Variants in FHIT observed in about 807,000 individuals in gnomAD.
The protein encoded by FHIT is bis(5'-adenosyl)-triphosphatase.
Under a neutral mutation model 17.9 loss-of-function variants are expected in FHIT, and 19 were observed. The ratio of observed to expected loss-of-function variants is 1.06; its 90% confidence interval spans 0.74 to 1.56. The LOEUF (loss-of-function observed/expected upper bound fraction) is 1.56. Among genes scored for constraint, FHIT ranks in the 40% most tolerant of loss-of-function variants. The pLI, the probability that FHIT is intolerant of heterozygous loss-of-function variation, is 0.00. For synonymous variants in FHIT, 81 were observed against 69.7 expected, an observed-to-expected ratio of 1.16 and a Z score of -0.81; for missense variants, 248 against 189.2, an observed-to-expected ratio of 1.31 and a Z score of -1.82.
intron 1 of FHIT, among the ~76,000 whole-genome samples, chr3:61,237,834 G>A: frequency 6.6e-6 from 1 of 152,190 alleles, no homozygotes; most frequent in East Asian, 1.9e-4. Flanking sequence ...GCAAATGAGA[G>A]GCAAAGCCAG....
At chr3:60,005,127 C>A (rs1242093505) in intron 7 of FHIT, among the ~76,000 whole-genome samples, 3 of 152,160 alleles carry the variant, frequency 2.0e-5, no homozygotes, top group Non-Finnish European at 4.4e-5. Context: ...GCATTTTCTT[C>A]TCACCCTCAT....
chr3:60,965,739 G>T lies in FHIT; in HGVS notation c.-111+76308C>A, dbSNP rs1215055255. ...TGTTTGCCTGTGTATCACCAGCGGA[G>T]GCTGCAGAACAGCAAATATTGCAGA... is the stretch of plus-strand genomic sequence containing the variant. On this transcript the variant is annotated intron_variant, in intron 3 of 9. Transcript: ENST00000492590. Among the ~76,000 whole-genome samples the T allele has an allele frequency of 2.0e-5, 3 of 152,306 alleles. No homozygotes were observed. The East Asian group carries it at 5.8e-4, about 30-fold the overall frequency.
chr3:60,011,807 A>G (rs1357584422), intron 6 of FHIT, among the ~76,000 whole-genome samples: 13 of 152,220 alleles, frequency 8.5e-5, no homozygotes, highest in East Asian at 1.9e-4. Flanking sequence ...AACATAAGCC[A>G]TTAAGGAAGA....
At chr3:59,960,499 T>C (rs541267553) in intron 7 of FHIT, among the ~76,000 whole-genome samples, 2 of 152,110 alleles carry the variant, frequency 1.3e-5, no homozygotes, top group East Asian at 3.9e-4. Context: ...CCTAGTGGAG[T>C]GGCCTAAAAG....
At chr3:60,296,060 C>T (rs1403099426) in intron 5 of FHIT, among the ~76,000 whole-genome samples, 1 of 152,092 alleles carries the variant, frequency 6.6e-6, no homozygotes, top group Non-Finnish European at 1.5e-5. Flanking sequence ...TCTTTCTCAC[C>T]TCCTTTCATG....
intron 2 of FHIT, among the ~76,000 whole-genome samples, chr3:61,187,659 A>G (rs1329694997): frequency 2.0e-4 from 30 of 152,198 alleles, no homozygotes; most frequent in African/African-American, 2.4e-4. Flanking sequence ...CACCTATTCC[A>G]AAATTGACCA....
chr3:59,848,120 C>T (rs1261056021), intron 8 of FHIT, among the ~76,000 whole-genome samples: 2 of 152,054 alleles, frequency 1.3e-5, no homozygotes, highest in Non-Finnish European at 2.9e-5. Context: ...TTTTGCCCAC[C>T]GTGGCTCCCA....
At chr3:60,810,476 C>CAT (rs1701540923) in intron 4 of FHIT, among the ~76,000 whole-genome samples, 1 of 152,136 alleles carries the variant, frequency 6.6e-6, no homozygotes, top group Non-Finnish European at 1.5e-5. Context: ...ATTTAATGAG[C>CAT]ATATACTGTG....
At chr3:60,403,440 T>A (rs1701737055) in intron 5 of FHIT, among the ~76,000 whole-genome samples, 1 of 152,096 alleles carries the variant, frequency 6.6e-6, no homozygotes, top group Non-Finnish European at 1.5e-5. Flanking sequence ...AATGAAGGCC[T>A]CAGAAACAAA....
At chr3:60,169,041 A>T (rs1701305116) in intron 5 of FHIT, among the ~76,000 whole-genome samples, 2 of 152,216 alleles carry the variant, frequency 1.3e-5, no homozygotes, top group South Asian at 4.1e-4. Flanking sequence ...GGGTAAAAGT[A>T]CGTGGATGAC....
chr3:60,850,501 G>A (rs1234173493), intron 3 of FHIT, among the ~76,000 whole-genome samples: 1 of 151,944 alleles, frequency 6.6e-6, no homozygotes, highest in Non-Finnish European at 1.5e-5. Context: ...CTTTTATTTT[G>A]TTAATAGCTC....
At chr3:59,760,381 C>A (rs917709054) in intron 8 of FHIT, among the ~76,000 whole-genome samples, 1 of 152,144 alleles carries the variant, frequency 6.6e-6, no homozygotes, top group African/African-American at 2.4e-5. Context: ...ATTGAAGTAT[C>A]ACATTGTCAA....
chr3:60,476,732 C>G (rs1038982155), intron 5 of FHIT, among the ~76,000 whole-genome samples: 3 of 152,072 alleles, frequency 2.0e-5, no homozygotes, highest in African/African-American at 7.2e-5. Flanking sequence ...TGGGTATAAA[C>G]AAATCAGCTG....
chr3:60,532,393 T>C (rs1054322254), intron 5 of FHIT, among the ~76,000 whole-genome samples: 4 of 152,138 alleles, frequency 2.6e-5, no homozygotes, highest in African/African-American at 9.7e-5. Context: ...AGAAGAGAGA[T>C]AGACACAGCA....
chr3:60,949,042 A>G (rs1553776473), intron 3 of FHIT, among the ~76,000 whole-genome samples: 1 of 152,194 alleles, frequency 6.6e-6, no homozygotes, highest in East Asian at 1.9e-4. Flanking sequence ...GTTGAAGCGT[A>G]GGGGCCAGCT....
At chr3:60,513,913 A>T (rs904243670) in intron 5 of FHIT, among the ~76,000 whole-genome samples, 1 of 152,222 alleles carries the variant, frequency 6.6e-6, no homozygotes, top group East Asian at 1.9e-4. Context: ...GCGGCAGAGC[A>T]GAGAACAGGA....
chr3:60,207,759 T>G (rs1703268827), intron 5 of FHIT, among the ~76,000 whole-genome samples: 1 of 152,206 alleles, frequency 6.6e-6, no homozygotes, highest in Admixed American at 6.5e-5. Context: ...TTTAGGGCAT[T>G]GTCATGAGAA....
chr3:60,941,357 A>G (rs1285283973), intron 3 of FHIT, among the ~76,000 whole-genome samples: 1 of 152,156 alleles, frequency 6.6e-6, no homozygotes, highest in Non-Finnish European at 1.5e-5. Context: ...TTTCTCTTCT[A>G]TAATTTTCTA....
chr3:60,288,601 G>T (rs1425344423), intron 5 of FHIT, among the ~76,000 whole-genome samples: 1 of 150,156 alleles, frequency 6.7e-6, no homozygotes, highest in South Asian at 2.1e-4. Context: ...GTGTGTGTGT[G>T]TGTGGAGGGG....
Sources: gnomAD v4.1 joint callset for allele counts (sites outside exome capture counted in the v4.1 genomes callset) on GRCh38, gnomAD v4.1.1 for gene constraint, MANE v1.5 for transcripts, NCBI Gene and HGNC (gene_info 2026-07-23, HGNC 2026-07-21) for gene names.